ZNF90: variants seen among roughly 807,000 people sequenced by gnomAD.
The protein encoded by ZNF90 is zinc finger protein HTF9.
ZNF90 carries 11 observed loss-of-function variants against 12.0 expected under a neutral mutation model. The observed-to-expected ratio is 0.92, with a 90% CI of 0.58 to 1.52. The LOEUF (loss-of-function observed/expected upper bound fraction) is 1.52. Ranked by LOEUF, ZNF90 falls within the 40% of genes most tolerant of loss-of-function variation. ZNF90 has a pLI of 0.00. For synonymous variants in ZNF90, 232 were observed against 240.1 expected, an observed-to-expected ratio of 0.97 and a Z score of 0.31; for missense variants, 765 against 711.5, an observed-to-expected ratio of 1.08 and a Z score of -0.86.
intron 3 of ZNF90, among the ~76,000 whole-genome samples, chr19:20,115,207 G>GA (rs1354023293): frequency 2.0e-5 from 3 of 151,852 alleles, no homozygotes; most frequent in African/African-American, 7.3e-5. Context: ...TTTGTTATTA[G>GA]ATCTCAACTG....
rs1555703429 is a variant in ZNF90 at position 20,098,110 on chromosome 19, G to GT, written c.4-6122dup. On this transcript the variant is annotated intron_variant, in intron 1 of 3. Transcript: ENST00000418063. ...TATATTCACGTTGTGTCAGCTTTTTGTTTTTTTCATGTAGACTTATCATTT... is the reference window on the plus strand; with the variant it reads ...TATATTCACGTTGTGTCAGCTTTTTGTTTTTTTTCATGTAGACTTATCATTT... Among the ~76,000 whole-genome samples, 11 of 152,034 alleles carry GT rather than the reference G, an allele frequency of 7.2e-5. No homozygotes were observed. In the South Asian group the frequency reaches 2.1e-3, roughly 29 times the overall value.
chr19:20,087,938 G>A (rs2088872373), intron 1 of ZNF90, among the ~76,000 whole-genome samples: 1 of 152,126 alleles, frequency 6.6e-6, no homozygotes, highest in African/African-American at 2.4e-5. Context: ...GCCAGGAAAA[G>A]GACTTTCACA....
chr19:20,099,013 C>G (rs1311667623), intron 1 of ZNF90, among the ~76,000 whole-genome samples: 1 of 152,094 alleles, frequency 6.6e-6, no homozygotes, highest in Non-Finnish European at 1.5e-5. Flanking sequence ...AACTTTTAGT[C>G]TAGACTAGCA....
intron 2 of ZNF90, 85 bp from the exon 3 acceptor site, chr19:20,105,136 A>T: frequency 1.0e-6 from 1 of 979,636 alleles, no homozygotes; most frequent in Admixed American, 3.0e-5. Context: ...AGACTATTTT[A>T]TCACATCTTC....
In ZNF90 at chr19:20,118,948, C is replaced by G. The variant is rs1055090499; in HGVS notation, c.1394C>G (p.Ser465Cys). ...GAATGTGGCAAAGCCTTCAAGCGCT[C>G]CTCAAACCTTACTACACATAAGATA... The part of the protein sequence containing the change: ...CEECGKAFKR[S>C]SNLTTHKISH... The change falls in exon 4 of 4, where the codon TCC becomes TGC. Residue 465 changes from serine to cysteine, a missense_variant. Ser to Cys is a moderately radical substitution (Grantham distance 112). Transcript: ENST00000418063. 6.2e-7 allele frequency: 1 copy of G among 1,612,732 alleles called. No individual in the cohort carries two copies. The highest frequency in any genetic ancestry group is 2.2e-5 in the East Asian group (1 of 44,840).
chr19:20,105,281 C>A lies in ZNF90; in HGVS notation c.191C>A (p.Thr64Asn). ...TCLEQGKKPFTVKRHEMIAKS... is the reference protein window; with the variant it reads ...TCLEQGKKPFNVKRHEMIAKS... ...CTGGAGCAAGGAAAAAAACCCTTCA[C>A]TGTGAAGAGACATGAGATGATTGCC... Residue 64 changes from threonine (T) to asparagine (N), a missense_variant, in exon 3 of 4, where the codon ACT (threonine) becomes AAT (asparagine). By Grantham distance (65) the Thr-to-Asn change is moderately conservative (BLOSUM62 0). Coordinates refer to ENST00000418063, the MANE Select transcript of ZNF90 (RefSeq NM_007138.2). 8.7e-6 allele frequency: 14 copies of A among 1,608,114 alleles called. No homozygotes were observed. The highest frequency in any genetic ancestry group is 1.1e-5 in the Non-Finnish European group (13 of 1,176,678).
chr19:20,090,459 G>A (rs185266505), intron 1 of ZNF90, among the ~76,000 whole-genome samples: 27 of 152,252 alleles, frequency 1.8e-4, no homozygotes, highest in Admixed American at 1.5e-3. Flanking sequence ...CTGGCTGTCC[G>A]ATGGACACAG....
chr19:20,091,913 T>A (rs1360174625), intron 1 of ZNF90, among the ~76,000 whole-genome samples: 1 of 152,164 alleles, frequency 6.6e-6, no homozygotes, highest in Non-Finnish European at 1.5e-5. Flanking sequence ...AGCGGTAGCC[T>A]CAATGATAGA....
At chr19:20,111,323 G>T (rs2089086877) in intron 3 of ZNF90, among the ~76,000 whole-genome samples, 1 of 152,066 alleles carries the variant, frequency 6.6e-6, no homozygotes, top group African/African-American at 2.4e-5. Context: ...AAATTCAGGT[G>T]ATGATCTCAT....
intron 1 of ZNF90, 139 bp from the exon 2 acceptor site, chr19:20,104,100 T>C: frequency 7.8e-7 from 1 of 1,275,950 alleles, no homozygotes; most frequent in Non-Finnish European, 1.1e-6. Flanking sequence ...GTGTTGGAAA[T>C]TGTTTTATTG....
chr19:20,080,583 G>A (rs2088812997), intron 1 of ZNF90: 1 of 196,244 alleles, frequency 5.1e-6, no homozygotes, highest in Non-Finnish European at 1.1e-5. Context: ...TTTGATCTAT[G>A]CATTTCTTCC....
chr19:20,116,429 CTG>C (rs2089137976), intron 3 of ZNF90, among the ~76,000 whole-genome samples: 1 of 152,216 alleles, frequency 6.6e-6, no homozygotes, highest in Admixed American at 6.5e-5. Flanking sequence ...CTTAACCTCT[CTG>C]TGTTGAAATT....
chr19:20,114,240 G>A (rs960137347), intron 3 of ZNF90, among the ~76,000 whole-genome samples: 8 of 152,176 alleles, frequency 5.3e-5, no homozygotes, highest in African/African-American at 9.7e-5. Flanking sequence ...GCAGTGAACC[G>A]ATATTGTGCC....
chr19:20,099,047 C>A (rs1389257963), intron 1 of ZNF90, among the ~76,000 whole-genome samples: 1 of 152,102 alleles, frequency 6.6e-6, no homozygotes, highest in Admixed American at 6.5e-5. Flanking sequence ...TTGAATTATG[C>A]AACATATGGT....
chr19:20,088,418 C>T (rs1332262842), intron 1 of ZNF90, among the ~76,000 whole-genome samples: 4 of 151,870 alleles, frequency 2.6e-5, no homozygotes, highest in Admixed American at 6.6e-5. Context: ...AGAAACTAAA[C>T]AGAAGATACA....
intron 1 of ZNF90, among the ~76,000 whole-genome samples, chr19:20,078,467 G>C (rs2088794961): frequency 2.0e-5 from 3 of 152,010 alleles, no homozygotes; most frequent in South Asian, 4.2e-4. Context: ...TTCATGAATG[G>C]GAAGAGCTTT....
At chr19:20,102,996 T>C (rs1430788922) in intron 1 of ZNF90, among the ~76,000 whole-genome samples, 2 of 152,140 alleles carry the variant, frequency 1.3e-5, no homozygotes, top group Admixed American at 6.5e-5. Context: ...CTTACTTTTT[T>C]TGGGAGGAAT....
intron 1 of ZNF90, chr19:20,079,716 CTCAAAGT>C (rs1290580116): frequency 3.2e-5 from 6 of 185,568 alleles, no homozygotes; most frequent in Non-Finnish European, 5.7e-5. Flanking sequence ...CTGAGGGTAG[CTCAAAGT>C]TCAGGAGCTT....
At chr19:20,114,956 T>C (rs1351628468) in intron 3 of ZNF90, among the ~76,000 whole-genome samples, 1 of 152,170 alleles carries the variant, frequency 6.6e-6, no homozygotes, top group Non-Finnish European at 1.5e-5. Context: ...AAACCCTAAT[T>C]TGAGACACAC....
Sources: gnomAD v4.1 joint callset for allele counts (sites outside exome capture counted in the v4.1 genomes callset) on GRCh38, gnomAD v4.1.1 for gene constraint, MANE v1.5 for transcripts, NCBI Gene and HGNC (gene_info 2026-07-23, HGNC 2026-07-21) for gene names.